The following RUNX1 variants were observed in gnomAD, a reference collection of about 807,000 sequenced individuals.
The protein encoded by RUNX1 is RUNX family transcription factor 1.
In RUNX1, 19 loss-of-function variants were observed where a neutral mutation model predicts 42.8. The ratio of observed to expected loss-of-function variants is 0.44; its 90% CI spans 0.31 to 0.65. RUNX1 has a LOEUF of 0.65. Among genes scored for constraint, RUNX1 ranks in the 30% least tolerant of loss-of-function variants. RUNX1 has a pLI of 0.07. For synonymous variants in RUNX1, 271 were observed against 289.4 expected (o/e 0.94, Z 0.64); for missense variants, 528 against 672.0 (o/e 0.79, Z 2.37).
At chr21:34,822,777 A>T (rs565378305) in intron 7 of RUNX1, among the ~76,000 whole-genome samples, 2 of 152,352 alleles carry the variant, frequency 1.3e-5, no homozygotes, top group East Asian at 3.9e-4. Flanking sequence ...TTGCTATCTG[A>T]TATGTGCGGA....
intron 2 of RUNX1, among the ~76,000 whole-genome samples, chr21:34,935,449 T>C (rs1301255497): frequency 6.6e-6 from 1 of 152,178 alleles, no homozygotes; most frequent in Non-Finnish European, 1.5e-5. Context: ...AGAAATGAAA[T>C]AATGTTTAAA....
intron 2 of RUNX1, among the ~76,000 whole-genome samples, chr21:35,041,853 C>G (rs2059361957): frequency 6.6e-6 from 1 of 152,074 alleles, no homozygotes; most frequent in Admixed American, 6.6e-5. Context: ...ATATTTCTAT[C>G]AGAGATAAAA....
chr21:34,888,869 G>A (rs1981600620), intron 3 of RUNX1, among the ~76,000 whole-genome samples: 1 of 151,642 alleles, frequency 6.6e-6, no homozygotes, highest in Non-Finnish European at 1.5e-5. Flanking sequence ...CCGCCGCCGC[G>A]CCGCGCGCTA....
rs111870793 is a variant in RUNX1 at position 34,919,980 on chromosome 21, G to A, written c.59-27017C>T. 9.1e-3 allele frequency among the ~76,000 whole-genome samples: 1,390 copies of A among 152,276 alleles called. 22 individuals carry two copies. The highest frequency in any genetic ancestry group is 0.027 in the African/African-American group (1,136 of 41,548). The stretch of plus-strand genomic sequence containing the variant: ...CTCTGCGTTAGGTACTTGGACTTGG[G>A]CAGTGAATCAGACAGCAAAAGCCTC... On this transcript the variant is annotated intron_variant, in intron 2 of 8. Transcript: ENST00000675419.
At chr21:34,936,618 A>G (rs922088854) in intron 2 of RUNX1, among the ~76,000 whole-genome samples, 2 of 152,232 alleles carry the variant, frequency 1.3e-5, no homozygotes, top group Non-Finnish European at 2.9e-5. Context: ...GACTGCAAGA[A>G]CACTCGAATG....
chr21:34,809,849 T>C (rs547610602), intron 7 of RUNX1, among the ~76,000 whole-genome samples: 1 of 152,310 alleles, frequency 6.6e-6, no homozygotes, highest in Non-Finnish European at 1.5e-5. Flanking sequence ...GAAGTGACTT[T>C]ACGTCTGGGA....
At chr21:34,905,007 T>TG (rs1248174215) in intron 2 of RUNX1, among the ~76,000 whole-genome samples, 1 of 152,180 alleles carries the variant, frequency 6.6e-6, no homozygotes, top group East Asian at 1.9e-4. Flanking sequence ...AATATGCCAG[T>TG]GGGGGCTCCA....
chr21:34,886,822 C>G, intron 4 of RUNX1, 21 bp downstream of exon 4: 1 of 1,612,324 alleles, frequency 6.2e-7, no homozygotes, highest in Non-Finnish European at 8.5e-7. Context: ...TGTCCTCCCA[C>G]CACCCTCTCC....
intron 2 of RUNX1, among the ~76,000 whole-genome samples, chr21:34,897,176 A>T (rs187264670): frequency 2.6e-5 from 4 of 152,262 alleles, no homozygotes; most frequent in Non-Finnish European, 4.4e-5. Context: ...GCCCTCATCC[A>T]GTCTGTTGCC....
chr21:34,897,210 G>A (rs2058137714), intron 2 of RUNX1, among the ~76,000 whole-genome samples: 1 of 152,054 alleles, frequency 6.6e-6, no homozygotes, highest in Admixed American at 6.5e-5. Context: ...GATTTCTTTG[G>A]TTGATAACAA....
At chr21:34,808,266 A>T (rs2056709468) in intron 7 of RUNX1, among the ~76,000 whole-genome samples, 1 of 152,148 alleles carries the variant, frequency 6.6e-6, no homozygotes, top group African/African-American at 2.4e-5. Context: ...AAGCAGACAG[A>T]CCAAGCCGGG....
chr21:34,826,434 CTTTTTTT>C (rs772880673), intron 7 of RUNX1, among the ~76,000 whole-genome samples: 7 of 105,366 alleles, frequency 6.6e-5, no homozygotes, highest in Non-Finnish European at 9.1e-5. Flanking sequence ...TTCTTTCTTT[CTTTTTTT>C]TTTTTTTTTT....
At chr21:34,867,791 C>T (rs537672463) in intron 5 of RUNX1, among the ~76,000 whole-genome samples, 26 of 152,310 alleles carry the variant, frequency 1.7e-4, no homozygotes, top group African/African-American at 6.0e-4. Context: ...ACCCTGAATT[C>T]GCAGCCCCCT....
In RUNX1 at chr21:34,872,931, C is replaced by G. The variant is rs548825395; in HGVS notation, c.508+7626G>C. 1.2e-4 allele frequency among the ~76,000 whole-genome samples: 18 copies of G among 152,224 alleles called. No homozygotes were observed. The South Asian group carries it at 3.7e-3, about 32-fold the overall frequency. On this transcript the variant is annotated intron_variant, in intron 5 of 8. Transcript: ENST00000675419. ...CAAGATTATGATCAAAATTGATAAGCAGGGAGACAAGATACTGATAATAAA... is the reference window on the plus strand; with the variant it reads ...CAAGATTATGATCAAAATTGATAAGGAGGGAGACAAGATACTGATAATAAA...
chr21:35,047,669 A>T (rs2059410536), intron 2 of RUNX1, among the ~76,000 whole-genome samples: 1 of 151,758 alleles, frequency 6.6e-6, no homozygotes, highest in Non-Finnish European at 1.5e-5. Flanking sequence ...TTGCTGTGAT[A>T]AAGTGGCCGG....
chr21:34,938,678 A>G (rs1013785331), intron 2 of RUNX1, among the ~76,000 whole-genome samples: 8 of 152,322 alleles, frequency 5.3e-5, no homozygotes, highest in South Asian at 2.1e-4. Context: ...ACATTGTTTA[A>G]AAATGAGGCT....
chr21:34,991,576 G>A (rs1398996794), intron 2 of RUNX1, among the ~76,000 whole-genome samples: 2 of 147,266 alleles, frequency 1.4e-5, no homozygotes, highest in African/African-American at 2.5e-5. Flanking sequence ...GATGATGATG[G>A]TGATGATGAC....
intron 7 of RUNX1, among the ~76,000 whole-genome samples, chr21:34,829,097 CA>C (rs1199716120): frequency 6.6e-6 from 1 of 152,106 alleles, no homozygotes; most frequent in East Asian, 1.9e-4. Flanking sequence ...AGTAACTTGC[CA>C]AAAGTCCTAT....
intron 2 of RUNX1, among the ~76,000 whole-genome samples, chr21:34,916,391 A>C (rs1045686600): frequency 6.6e-6 from 1 of 152,226 alleles, no homozygotes; most frequent in Non-Finnish European, 1.5e-5. Context: ...GGAGAATTTG[A>C]GGGGTAACAT....
Sources: gnomAD v4.1 joint callset for allele counts (sites outside exome capture counted in the v4.1 genomes callset) on GRCh38, gnomAD v4.1.1 for gene constraint, MANE v1.5 for transcripts, NCBI Gene and HGNC (gene_info 2026-07-23, HGNC 2026-07-21) for gene names.